COL5A1: variants seen among roughly 807,000 people sequenced by gnomAD.
The protein encoded by COL5A1 is collagen type V alpha 1 chain.
COL5A1 carries 16 observed loss-of-function variants against 263.7 expected under a neutral mutation model. The observed-to-expected ratio is 0.06, with a 90% CI of 0.04 to 0.09. The LOEUF (loss-of-function observed/expected upper bound fraction) is 0.09, where lower values mean the gene tolerates loss of function less well. Among genes scored for constraint, COL5A1 ranks in the 10% least tolerant of loss-of-function variants. The probability of loss-of-function intolerance (pLI) is 1.00; values close to 1 mark genes in which losing one functional copy is unlikely to be tolerated. For synonymous variants in COL5A1, 1,012 were observed against 1,004.5 expected (o/e 1.01, Z -0.14); for missense variants, 2,036 against 2,540.5 (o/e 0.80, Z 4.27).
Position 134,833,961 on chromosome 9 carries a change from C to G in COL5A1, c.5137-1010C>G, listed in dbSNP as rs572027746. ...CCTAGAGGCTGGAGGTGGGGAGGAG[C>G]CTTCCCTAGGAGCAGTGGTCTAGGC... is the stretch of plus-strand genomic sequence containing the variant. On this transcript the variant is annotated intron_variant, in intron 64 of 65. Coordinates refer to ENST00000371817, the MANE Select transcript of COL5A1 (RefSeq NM_000093.5). 2.0e-3 allele frequency among the ~76,000 whole-genome samples: 306 copies of G among 152,284 alleles called. 1 individual carries two copies. The highest frequency in any genetic ancestry group is 7.1e-3 in the African/African-American group (297 of 41,556).
chr9:134,726,414 G>A (rs1469576403), intron 4 of COL5A1, among the ~76,000 whole-genome samples: 1 of 152,062 alleles, frequency 6.6e-6, no homozygotes, highest in African/African-American at 2.4e-5. Context: ...AGATGGCTGG[G>A]TGGATGGATG....
intron 7 of COL5A1, among the ~76,000 whole-genome samples, chr9:134,730,763 C>G (rs1834850763): frequency 6.6e-6 from 1 of 152,210 alleles, no homozygotes; most frequent in African/African-American, 2.4e-5. Context: ...CCCTTCCGGT[C>G]TTTGAGGATT....
At chr9:134,723,445 G>A (rs188402302) in intron 4 of COL5A1, among the ~76,000 whole-genome samples, 71 of 152,350 alleles carry the variant, frequency 4.7e-4, no homozygotes, top group Admixed American at 9.8e-4. Context: ...TCTGAGATGT[G>A]GAGACAGGGG....
chr9:134,666,892 C>T (rs193246220), intron 1 of COL5A1, among the ~76,000 whole-genome samples: 24 of 152,308 alleles, frequency 1.6e-4, no homozygotes, highest in African/African-American at 4.8e-4. Flanking sequence ...TCTTCTTTCA[C>T]GGTATACATG....
At chr9:134,695,232 G>A (rs796708494) in intron 2 of COL5A1, among the ~76,000 whole-genome samples, 136 of 152,254 alleles carry the variant, frequency 8.9e-4, no homozygotes, top group African/African-American at 3.1e-3. Flanking sequence ...TTGGGTGGAG[G>A]CCACGGCTCT....
intron 18 of COL5A1, among the ~76,000 whole-genome samples, chr9:134,761,017 C>T (rs566669257): frequency 6.7e-5 from 10 of 150,346 alleles, no homozygotes; most frequent in South Asian, 2.1e-4. Context: ...CAGCCACACA[C>T]GCATACACAC....
intron 4 of COL5A1, among the ~76,000 whole-genome samples, chr9:134,703,675 T>G (rs1833747467): frequency 8.1e-6 from 1 of 123,906 alleles, no homozygotes; most frequent in Admixed American, 1.1e-4. Flanking sequence ...TCTCGCTCCG[T>G]CGCCCAGGCT....
chr9:134,745,892 T>C (rs115951840), intron 11 of COL5A1, among the ~76,000 whole-genome samples: 3,363 of 152,248 alleles, frequency 0.022, 125 homozygotes, highest in African/African-American at 0.07. Flanking sequence ...TCCTCTGCCC[T>C]TGTAGCTTGC....
chr9:134,664,459 G>A (rs1183709092), intron 1 of COL5A1, among the ~76,000 whole-genome samples: 1 of 152,190 alleles, frequency 6.6e-6, no homozygotes, highest in Non-Finnish European at 1.5e-5. Flanking sequence ...ACGGAAAGGG[G>A]GTCGACCTGC....
chr9:134,721,820 A>G (rs1448289991), intron 4 of COL5A1, among the ~76,000 whole-genome samples: 1 of 152,200 alleles, frequency 6.6e-6, no homozygotes, highest in Non-Finnish European at 1.5e-5. Flanking sequence ...CTACGGCCCC[A>G]TCTGCCTGGG....
At chr9:134,693,872 G>A (rs754039293) in intron 2 of COL5A1, among the ~76,000 whole-genome samples, 28 of 152,158 alleles carry the variant, frequency 1.8e-4, no homozygotes, top group Non-Finnish European at 2.9e-4. Context: ...GGACCGACAC[G>A]GTCTCGCGCC....
At chr9:134,702,447 C>T (rs937671625) in intron 4 of COL5A1, among the ~76,000 whole-genome samples, 1 of 151,992 alleles carries the variant, frequency 6.6e-6, no homozygotes, top group Non-Finnish European at 1.5e-5. Flanking sequence ...GCCCCCGTTT[C>T]ATGGCTGAGG....
chr9:134,835,348 A>G (rs1839816518), intron 65 of COL5A1, 144 bp downstream of exon 65: 1 of 718,790 alleles, frequency 1.4e-6, no homozygotes, highest in Non-Finnish European at 2.4e-6. Flanking sequence ...AGGCAGCCCC[A>G]CAGTTGCAGG....
rs562993712 is a variant in COL5A1, at chr9:134,818,565, G to C, written c.4231-91G>C. On this transcript the variant is annotated intron_variant, in intron 54 of 65. Transcript: ENST00000371817. This position sits in a 1 kb window ranked among gnomAD's most constrained non-coding sequence, Gnocchi z 6.0. ...TATGGGGTCACCTGGGACTCCTCCA[G>C]AGGTGCCCAGGGTTTCCGAGCAGTG... The C allele has an allele frequency of 2.3e-5, 21 of 932,028 alleles. No homozygotes were observed. In the East Asian group the frequency reaches 5.2e-4, roughly 23 times the overall value. The allele number at this position is 932,028 out of a possible 1,614,324, so 57.7% of individuals were successfully genotyped here.
rs767205200 is a variant in COL5A1, at chr9:134,795,083, G to C, written c.2702G>C (p.Gly901Ala). 1 of 1,614,016 alleles carries C rather than the reference G, an allele frequency of 6.2e-7. No homozygotes were observed. Among genetic ancestry groups the C allele is most frequent in the Non-Finnish European group, 8.5e-7 (1 of 1,179,990 alleles). ...GACCAGCCCCTTCTCTGATTCTAGG[G>C]GACCCCTGGAAAGCCAGGACCGCGG... ...PGANGEKGGR[G>A]TPGKPGPRGQ... is the part of the protein sequence containing the mutation. The change falls in exon 33 of 66, where the codon GGG becomes GCG. Residue 901 changes from glycine (G) to alanine (A), a missense_variant and splice_region_variant. Physicochemically the swap from Gly to Ala is moderately conservative, Grantham distance 60. Coordinates refer to ENST00000371817, the MANE Select transcript of COL5A1 (RefSeq NM_000093.5).
chr9:134,796,776 A>T (rs1271322341), intron 35 of COL5A1, 72 bp from the exon 36 acceptor site: 2 of 1,398,632 alleles, frequency 1.4e-6, no homozygotes, highest in South Asian at 2.3e-5. Context: ...AGCCACCGGC[A>T]CAGGCAGGTC....
At chr9:134,726,573 C>A (rs117748785) in intron 4 of COL5A1, among the ~76,000 whole-genome samples, 2 of 148,828 alleles carry the variant, frequency 1.3e-5, no homozygotes, top group African/African-American at 2.5e-5. Context: ...AGTGGACAGA[C>A]GGATGGAGGA....
At position 134,800,749 on chromosome 9, in the gene COL5A1, CAAA is replaced by C. The variant is rs397951217; in HGVS notation, c.2953-1183_2953-1181del. On this transcript the variant is annotated intron_variant, in intron 37 of 65. Coordinates refer to ENST00000371817, the MANE Select transcript of COL5A1 (RefSeq NM_000093.5). ...AACAGGAGTGAAACTCTGTCTCAAA[CAAA>C]AAAAAAAAAAAAAAAAAAAAAGAAG... Among the ~76,000 whole-genome samples the C allele has an allele frequency of 2.0e-3, 162 of 81,614 alleles. 1 individual carries two copies. Among genetic ancestry groups the C allele is most frequent in the African/African-American group, 6.9e-3 (151 of 22,022 alleles). The allele number at this position is 81,614 out of a possible 152,430, so 53.5% of individuals were successfully genotyped here. A position where few individuals can be genotyped will look rare whatever the true frequency, so the allele number is the denominator to read the frequency against.
rs527557617 is a variant in COL5A1, at chr9:134,765,546, C to T, written c.2035-135C>T. 1 of 775,540 alleles carries T rather than the reference C, an allele frequency of 1.3e-6. No homozygotes were observed. Among genetic ancestry groups the T allele is most frequent in the Non-Finnish European group, 2.3e-6 (1 of 440,510 alleles). 48.0% of individuals were successfully genotyped at this position (775,540 alleles called of 1,614,324 possible). A position where few individuals can be genotyped will look rare whatever the true frequency, so the allele number is the denominator to read the frequency against. On this transcript the variant is annotated intron_variant, in intron 20 of 65. Coordinates refer to ENST00000371817, the MANE Select transcript of COL5A1 (RefSeq NM_000093.5). The surrounding 1 kb of genome is among the most constrained non-coding windows in gnomAD (Gnocchi z 5.1). ...AGGCTGGGAGGGAGTCTGGGCCTCA[C>T]TCCTGGGAGGCCAGGAGGCCTGAGT...
Sources: allele counts gnomAD v4.1 joint callset (sites outside exome capture counted in the v4.1 genomes callset), GRCh38; gene constraint gnomAD v4.1.1; non-coding constraint Gnocchi (gnomAD v3.1); transcripts MANE v1.5; gene names NCBI Gene and HGNC (gene_info 2026-07-23, HGNC 2026-07-21).